The following DNAJC6 variants were observed in gnomAD, a reference collection of about 807,000 sequenced individuals.
DNAJC6 encodes the protein auxilin.
In DNAJC6, 34 loss-of-function variants were observed where a neutral mutation model predicts 110.0. The observed-to-expected ratio is 0.31, with a 90% CI of 0.24 to 0.41. The LOEUF is 0.41. DNAJC6 is among the 10% of genes least tolerant of loss of function. DNAJC6 has a pLI of 1.00. For synonymous variants in DNAJC6, 406 were observed against 437.2 expected, an observed-to-expected ratio of 0.93 and a Z score of 0.89; for missense variants, 1,031 against 1,207.8, an observed-to-expected ratio of 0.85 and a Z score of 2.17.
At chr1:65,348,016 C>T (rs571799113) in intron 1 of DNAJC6, among the ~76,000 whole-genome samples, 3 of 152,240 alleles carry the variant, frequency 2.0e-5, no homozygotes, top group African/African-American at 7.2e-5. Flanking sequence ...TCTGGTGATT[C>T]GTATGTTTGG....
At chr1:65,350,923 G>A (rs760896985) in intron 1 of DNAJC6, among the ~76,000 whole-genome samples, 2 of 152,166 alleles carry the variant, frequency 1.3e-5, no homozygotes, top group African/African-American at 2.4e-5. Context: ...GCTGGGCCTT[G>A]TGAAGTCTTA....
At chr1:65,371,597 G>A (rs1645706778) in intron 4 of DNAJC6, among the ~76,000 whole-genome samples, 1 of 152,170 alleles carries the variant, frequency 6.6e-6, no homozygotes, top group Non-Finnish European at 1.5e-5. Context: ...CTCTGTAGAA[G>A]CATTCATTCC....
intron 1 of DNAJC6, among the ~76,000 whole-genome samples, chr1:65,315,040 C>G (rs891183511): frequency 4.9e-4 from 75 of 152,332 alleles, no homozygotes; most frequent in Middle Eastern, 3.4e-3. Context: ...TGTCTTTGAA[C>G]TGTTCTCATC....
intron 1 of DNAJC6, among the ~76,000 whole-genome samples, chr1:65,303,529 T>C (rs1397972735): frequency 6.6e-6 from 1 of 151,704 alleles, no homozygotes; most frequent in Non-Finnish European, 1.5e-5. Flanking sequence ...TAGTGTTTAT[T>C]ATGTGCTTCC....
intron 5 of DNAJC6, among the ~76,000 whole-genome samples, chr1:65,381,513 C>T (rs1391914313): frequency 2.0e-5 from 3 of 150,668 alleles, no homozygotes; most frequent in Non-Finnish European, 4.4e-5. Flanking sequence ...CGTGCCAGTG[C>T]ACTCCAGTCT....
intron 1 of DNAJC6, among the ~76,000 whole-genome samples, chr1:65,301,370 C>T (rs921251569): frequency 3.3e-5 from 5 of 152,142 alleles, no homozygotes; most frequent in South Asian, 2.1e-4. Flanking sequence ...ACACCAGCTG[C>T]GTGTCCTCCA....
In DNAJC6 at chr1:65,309,647, A is replaced by ATTT. The variant is rs373500242; in HGVS notation, c.-86_-84dup. ...CTCTTTGCGTCATGTCGGGCACTTA[A>ATTT]TTTTTTTTTTTTTTTAATTCCTTCT... On this transcript the variant is annotated 5_prime_UTR_variant, in exon 1 of 19. Coordinates refer to ENST00000371069, the MANE Select transcript of DNAJC6 (RefSeq NM_001256864.2). 12 of 1,198,764 alleles carry ATTT rather than the reference A, an allele frequency of 1.0e-5. No homozygotes were observed. The highest frequency in any genetic ancestry group is 3.5e-5 in the Admixed American group (1 of 28,630). 74.3% of individuals were successfully genotyped at this position (1,198,764 alleles called of 1,614,324 possible). A position where few individuals can be genotyped will look rare whatever the true frequency, so the allele number is the denominator to read the frequency against.
chr1:65,315,446 C>T (rs1471569833), intron 1 of DNAJC6, among the ~76,000 whole-genome samples: 1 of 152,202 alleles, frequency 6.6e-6, no homozygotes, highest in East Asian at 1.9e-4. Flanking sequence ...ATAACTTCTA[C>T]TAAAAGTTTC....
chr1:65,387,256 G>A (rs1645882082), intron 8 of DNAJC6, among the ~76,000 whole-genome samples: 1 of 152,178 alleles, frequency 6.6e-6, no homozygotes, highest in African/African-American at 2.4e-5. Context: ...GATTTCTACT[G>A]AGGATGTGGA....
chr1:65,304,980 C>T (rs1318329584), upstream of DNAJC6, among the ~76,000 whole-genome samples: 2 of 152,240 alleles, frequency 1.3e-5, no homozygotes, highest in Non-Finnish European at 2.9e-5. Flanking sequence ...GTTGAAGTGC[C>T]TTGCACTATG....
At chr1:65,409,316 T>C (rs1312256932) in intron 17 of DNAJC6, among the ~76,000 whole-genome samples, 1 of 152,214 alleles carries the variant, frequency 6.6e-6, no homozygotes, top group Non-Finnish European at 1.5e-5. Flanking sequence ...CAGCTGTGAT[T>C]TGAGTACAGC....
intron 1 of DNAJC6, among the ~76,000 whole-genome samples, chr1:65,266,024 G>A (rs772196676): frequency 1.8e-4 from 27 of 152,236 alleles, no homozygotes; most frequent in Non-Finnish European, 4.0e-4. Flanking sequence ...CCTTGGGCTC[G>A]GGGGCTTGGG....
chr1:65,391,096 G>C (rs10789183), intron 11 of DNAJC6, among the ~76,000 whole-genome samples: 99,347 of 152,044 alleles, frequency 0.65, 33,136 homozygotes, highest in African/African-American at 0.8. Flanking sequence ...GCTACATAAA[G>C]TGATGTAACT....
At chr1:65,380,441 A>G (rs1334878) in intron 5 of DNAJC6, among the ~76,000 whole-genome samples, 104,591 of 152,158 alleles carry the variant, frequency 0.69, 37,615 homozygotes, top group African/African-American at 0.92. Flanking sequence ...AAAGAAAGTT[A>G]AAGAACATTT....
intron 1 of DNAJC6, among the ~76,000 whole-genome samples, chr1:65,294,261 T>G (rs995794368): frequency 6.6e-6 from 1 of 152,230 alleles, no homozygotes; most frequent in African/African-American, 2.4e-5. Flanking sequence ...ATGTCATTAT[T>G]TATGTATTTG....
At chr1:65,364,590 T>C (rs1645627094) in intron 1 of DNAJC6, 45 bp from the exon 2 acceptor site, 1 of 1,573,420 alleles carries the variant, frequency 6.4e-7, no homozygotes. Flanking sequence ...GTGGATTCTC[T>C]GCCATCACCA....
chr1:65,395,126 T>A (rs1645964396), intron 13 of DNAJC6, 94 bp downstream of exon 13: 1 of 1,328,940 alleles, frequency 7.5e-7, no homozygotes, highest in African/African-American at 1.5e-5. Context: ...TGGGTGCTTT[T>A]TTGATAAAAG....
intron 1 of DNAJC6, among the ~76,000 whole-genome samples, chr1:65,351,909 C>T (rs951047339): frequency 2.0e-5 from 3 of 152,026 alleles, no homozygotes; most frequent in Admixed American, 6.6e-5. Context: ...GGATTACAGG[C>T]GTCCACCACC....
chr1:65,367,873 A>AT (rs67626971), intron 4 of DNAJC6, among the ~76,000 whole-genome samples: 1,823 of 136,900 alleles, frequency 0.013, 25 homozygotes, highest in African/African-American at 0.028. Flanking sequence ...AGGAGGGAGC[A>AT]TTTTTTTTTT....
Sources: gnomAD v4.1 joint callset for allele counts (sites outside exome capture counted in the v4.1 genomes callset) on GRCh38, gnomAD v4.1.1 for gene constraint, MANE v1.5 for transcripts, NCBI Gene and HGNC (gene_info 2026-07-23, HGNC 2026-07-21) for gene names.